The following ADGRA2 variants were observed in gnomAD, a reference collection of about 807,000 sequenced individuals.
ADGRA2 encodes the protein G-protein coupled receptor 124.
ADGRA2 carries 61 observed loss-of-function variants against 98.7 expected under a neutral mutation model. That is an observed-to-expected ratio of 0.62 (90% CI 0.50 to 0.76). The LOEUF (loss-of-function observed/expected upper bound fraction) is 0.76, where lower values mean the gene tolerates loss of function less well. Among genes scored for constraint, ADGRA2 ranks in the 30% least tolerant of loss-of-function variants. The probability of loss-of-function intolerance (pLI) is 0.00; values close to 1 mark genes in which losing one functional copy is unlikely to be tolerated. For synonymous variants in ADGRA2, 858 were observed against 831.5 expected (o/e 1.03, Z -0.55); for missense variants, 1,712 against 1,860.0 (o/e 0.92, Z 1.46).
chr8:37,814,865 T>C lies in ADGRA2; in HGVS notation c.267-31T>C, dbSNP rs370460221. The C allele has an allele frequency of 3.2e-6, 5 of 1,538,518 alleles. No homozygotes were observed. The African/African-American group carries it at 5.4e-5, about 17-fold the overall frequency. On this transcript the variant is annotated intron_variant, in intron 1 of 18. Transcript: ENST00000412232. This position sits in a 1 kb window ranked among gnomAD's most constrained non-coding sequence, Gnocchi z 4.3. ...GGATGCCCAGCACATAACAGCACCT[T>C]GTCCTGTCTGTGTCCTCTCTGTCTC... is the stretch of plus-strand genomic sequence containing the variant.
chr8:37,798,878 C>T (rs1804418619), intron 1 of ADGRA2, among the ~76,000 whole-genome samples: 1 of 152,160 alleles, frequency 6.6e-6, no homozygotes, highest in Non-Finnish European at 1.5e-5. Context: ...TGTGTCTGCT[C>T]GCTGCCGCCT....
intron 1 of ADGRA2, among the ~76,000 whole-genome samples, chr8:37,810,961 A>T (rs1004804339): frequency 6.6e-6 from 1 of 151,788 alleles, no homozygotes; most frequent in Non-Finnish European, 1.5e-5. Context: ...CTAAAAAAAA[A>T]ATACAAAAAA....
intron 1 of ADGRA2, among the ~76,000 whole-genome samples, chr8:37,806,464 G>A (rs553914490): frequency 6.6e-6 from 1 of 150,786 alleles, no homozygotes; most frequent in South Asian, 2.1e-4. Context: ...GGTAGCTTCA[G>A]ACAATGTGAC....
intron 2 of ADGRA2, among the ~76,000 whole-genome samples, chr8:37,828,354 C>T (rs905949269): frequency 6.6e-5 from 10 of 152,292 alleles, no homozygotes; most frequent in South Asian, 6.2e-4. Context: ...CAATCCAGGA[C>T]GCTCTCCATG....
intron 18 of ADGRA2, 105 bp from the exon 19 acceptor site, chr8:37,840,981 C>T: frequency 7.8e-7 from 1 of 1,279,350 alleles, no homozygotes; most frequent in Non-Finnish European, 1.1e-6. Flanking sequence ...ACCAAGCCGT[C>T]CTTGTCTCCG....
intron 13 of ADGRA2, among the ~76,000 whole-genome samples, chr8:37,836,097 A>ACACACCCCCC (rs1245868623): frequency 1.8e-5 from 2 of 108,740 alleles, no homozygotes; most frequent in African/African-American, 7.4e-5. Flanking sequence ...ACACACACAC[A>ACACACCCCCC]CCCCACAGGC....
At chr8:37,800,715 G>A (rs995127969) in intron 1 of ADGRA2, among the ~76,000 whole-genome samples, 3 of 152,144 alleles carry the variant, frequency 2.0e-5, no homozygotes, top group Non-Finnish European at 2.9e-5. Context: ...GGGAGCTGCC[G>A]CTTCTTTTGC....
rs1261794695 is a variant in ADGRA2, at chr8:37,842,474, G to A, written c.*119G>A. On this transcript the variant is annotated 3_prime_UTR_variant, in exon 19 of 19. Coordinates refer to ENST00000412232, the MANE Select transcript of ADGRA2 (RefSeq NM_032777.10). Reference sequence around the variant, plus strand: ...GAGGCAGAGGAGCCGATGGCTGGAGGAAGCCCACAGGCGGATGTTCCCCAC... The same window carrying A: ...GAGGCAGAGGAGCCGATGGCTGGAGAAAGCCCACAGGCGGATGTTCCCCAC... The A allele has an allele frequency of 2.9e-6, 4 of 1,365,972 alleles. No homozygotes were observed. The highest frequency in any genetic ancestry group is 3.8e-6 in the Non-Finnish European group (4 of 1,057,056). 84.6% of individuals were successfully genotyped at this position (1,365,972 alleles called of 1,614,324 possible).
intron 1 of ADGRA2, among the ~76,000 whole-genome samples, chr8:37,813,932 C>G (rs545367953): frequency 5.3e-5 from 8 of 152,304 alleles, no homozygotes; most frequent in African/African-American, 1.9e-4. Flanking sequence ...GCCTGGAGGC[C>G]GCTCCCTCAA....
rs111849678 is a variant in ADGRA2, at chr8:37,839,933, C to T, written c.2512-188C>T. 8.5e-5 allele frequency among the ~76,000 whole-genome samples: 13 copies of T among 152,190 alleles called. 1 individual carries two copies. The highest frequency in any genetic ancestry group is 3.1e-4 in the African/African-American group (13 of 41,528). On this transcript the variant is annotated intron_variant, in intron 16 of 18. Coordinates refer to ENST00000412232, the MANE Select transcript of ADGRA2 (RefSeq NM_032777.10). Reference sequence around the variant, plus strand: ...TGGGAAGCCCTGCAATGGGAGAGAACCCTGGGGTGAAGGCAGAGGGTGGCA... The same window carrying T: ...TGGGAAGCCCTGCAATGGGAGAGAATCCTGGGGTGAAGGCAGAGGGTGGCA...
chr8:37,797,652 C>T lies in ADGRA2; in HGVS notation c.266+118C>T. 1 of 1,046,778 alleles carries T rather than the reference C, an allele frequency of 9.6e-7. No homozygotes were observed. Among genetic ancestry groups the T allele is most frequent in the Non-Finnish European group, 1.2e-6 (1 of 800,994 alleles). 64.8% of individuals were successfully genotyped at this position (1,046,778 alleles called of 1,614,324 possible). A position where few individuals can be genotyped will look rare whatever the true frequency, so the allele number is the denominator to read the frequency against. On this transcript the variant is annotated intron_variant, in intron 1 of 18. Coordinates refer to ENST00000412232, the MANE Select transcript of ADGRA2 (RefSeq NM_032777.10). This position sits in a 1 kb window ranked among gnomAD's most constrained non-coding sequence, Gnocchi z 5.3. ...TCCCCCCACTTCAGAGATTTCTGGA[C>T]AGGCCTGGGTTCAGGCCCCCAGAGG...
intron 2 of ADGRA2, among the ~76,000 whole-genome samples, chr8:37,828,068 G>A (rs1029011238): frequency 6.6e-6 from 1 of 152,046 alleles, no homozygotes; most frequent in Admixed American, 6.6e-5. Flanking sequence ...CTTGGGCCCA[G>A]GAATTTGAGG....
rs754209123 is a variant in ADGRA2, at chr8:37,840,237, C to T, written c.2628C>T (p.Pro876=). Residue 876 remains proline, a synonymous_variant, in exon 17 of 19, where the codon CCC becomes CCT. Transcript: ENST00000412232. The stretch of plus-strand genomic sequence containing the variant: ...CACCCCCTCCGCAAGAAGGGGACCC[C>T]GCTCTGCCTACTCCCAGTCCTATGC... ...WRAPPPQEGD[P]ALPTPSPMLR... 6.8e-6 allele frequency: 11 copies of T among 1,612,808 alleles called. No individual in the cohort carries two copies. In the East Asian group the frequency reaches 8.9e-5, roughly 13 times the overall value.
intron 1 of ADGRA2, among the ~76,000 whole-genome samples, chr8:37,801,817 C>T (rs1192731700): frequency 2.6e-5 from 4 of 152,190 alleles, no homozygotes; most frequent in East Asian, 1.9e-4. Context: ...GTGAGGGCCT[C>T]GCTGCTCACC....
rs1805883077 is a variant in ADGRA2 at position 37,843,607 on chromosome 8, A to AG, written c.*1255dup. The AG allele has an allele frequency of 6.6e-6, 1 of 152,266 alleles. No homozygotes were observed. The highest frequency in any genetic ancestry group is 2.4e-5 in the African/African-American group (1 of 41,456). 9.4% of individuals were successfully genotyped at this position (152,266 alleles called of 1,614,324 possible). On this transcript the variant is annotated 3_prime_UTR_variant, in exon 19 of 19. Transcript: ENST00000412232. Reference sequence around the variant, plus strand: ...ACAACAGGAAACCAAGGTCTGACCTAGGGTTCCCTCCCAGTCTTCACATCA... The same window carrying AG: ...ACAACAGGAAACCAAGGTCTGACCTAGGGGTTCCCTCCCAGTCTTCACATCA...
At chr8:37,827,561 C>G (rs1805316255) in intron 2 of ADGRA2, among the ~76,000 whole-genome samples, 1 of 152,234 alleles carries the variant, frequency 6.6e-6, no homozygotes, top group Non-Finnish European at 1.5e-5. Context: ...TCCTCCAGGC[C>G]AGGCTTGGCC....
chr8:37,839,176 T>C (rs926800404), intron 15 of ADGRA2, 93 bp downstream of exon 15: 14 of 1,515,254 alleles, frequency 9.2e-6, no homozygotes, highest in East Asian at 9.0e-5. Context: ...GGTACATACT[T>C]TCAATTCCAG....
Position 37,841,946 on chromosome 8 carries a change from C to T in ADGRA2, c.3608C>T (p.Ala1203Val). 1 of 1,510,766 alleles carries T rather than the reference C, an allele frequency of 6.6e-7. No homozygotes were observed. Among genetic ancestry groups the T allele is most frequent in the Middle Eastern group, 1.9e-4 (1 of 5,200 alleles). The allele number at this position is 1,510,766 out of a possible 1,614,324, so 93.6% of individuals were successfully genotyped here. A position where few individuals can be genotyped will look rare whatever the true frequency, so the allele number is the denominator to read the frequency against. The change falls in exon 19 of 19, where the codon GCC (alanine) becomes GTC (valine). Residue 1203 changes from alanine to valine, a missense_variant. Coordinates refer to ENST00000412232, the MANE Select transcript of ADGRA2 (RefSeq NM_032777.10). This position sits in a 1 kb window ranked among gnomAD's most constrained non-coding sequence, Gnocchi z 5.0. ...GEACGKNRLK[A>V]LRGGAAGALE... ...GCCTGCGGCAAGAACCGGCTCAAGG[C>T]CCTGCGCGGGGGCGCGGCGGGGGCG...
In ADGRA2 at chr8:37,834,079, A is replaced by G; in HGVS notation, c.1559A>G (p.Glu520Gly). ...KACSRIVGAL[E>G]RIGGAALSPH... The stretch of plus-strand genomic sequence containing the variant: ...TGCAGCCGCATCGTGGGTGCCCTGG[A>G]GCGCATTGGGGGGGCCGCCCTCAGC... The change falls in exon 11 of 19, where the codon GAG becomes GGG. Residue 520 changes from glutamate to glycine, a missense_variant. Coordinates refer to ENST00000412232, the MANE Select transcript of ADGRA2 (RefSeq NM_032777.10). The surrounding 1 kb of genome is among the most constrained non-coding windows in gnomAD (Gnocchi z 4.2). The G allele has an allele frequency of 6.8e-6, 11 of 1,612,754 alleles. No individual in the cohort carries two copies. The highest frequency in any genetic ancestry group is 9.3e-6 in the Non-Finnish European group (11 of 1,179,924).
Sources: allele counts gnomAD v4.1 joint callset (sites outside exome capture counted in the v4.1 genomes callset), GRCh38; gene constraint gnomAD v4.1.1; non-coding constraint Gnocchi (gnomAD v3.1); transcripts MANE v1.5; gene names NCBI Gene and HGNC (gene_info 2026-07-23, HGNC 2026-07-21).